EXOC3L4: variants seen among roughly 807,000 people sequenced by gnomAD.
The protein encoded by EXOC3L4 is exocyst complex component 3-like protein 4.
EXOC3L4 carries 62 observed loss-of-function variants against 69.7 expected under a neutral mutation model. The observed-to-expected ratio is 0.89, with a 90% CI of 0.72 to 1.10. The LOEUF (loss-of-function observed/expected upper bound fraction) is 1.10. EXOC3L4 is among the 50% of genes least tolerant of loss of function. EXOC3L4 has a pLI of 0.00. For synonymous variants in EXOC3L4, 502 were observed against 464.2 expected, an observed-to-expected ratio of 1.08 and a Z score of -1.05; for missense variants, 1,087 against 1,034.8, an observed-to-expected ratio of 1.05 and a Z score of -0.69.
rs1450424613 is a variant in EXOC3L4 at position 103,100,280 on chromosome 14, G to T, written c.61G>T (p.Glu21Ter). ...GCTGCAGAGTCCCAAGGAGGCTGAGGAGCCACAGACTCCAGCTCAGGGCTC... is the reference window on the plus strand; with the variant it reads ...GCTGCAGAGTCCCAAGGAGGCTGAGTAGCCACAGACTCCAGCTCAGGGCTC... ...PELQSPKEAE[E>*]PQTPAQGSRR... The change falls in exon 2 of 12, where the codon GAG (glutamate) becomes TAG (stop). Residue 21 changes from glutamate to a stop codon, truncating the protein, a stop_gained. Transcript: ENST00000688303. LOFTEE classifies it high-confidence loss of function. The T allele has an allele frequency of 6.3e-7, 1 of 1,578,842 alleles. No homozygotes were observed. Among genetic ancestry groups the T allele is most frequent in the South Asian group, 1.2e-5 (1 of 86,892 alleles).
At chr14:103,106,691 ATTG>A (rs552316803) in intron 7 of EXOC3L4, 91 bp from the exon 8 acceptor site, 50 of 725,258 alleles carry the variant, frequency 6.9e-5, no homozygotes, top group Non-Finnish European at 9.4e-5. Flanking sequence ...TGCCCTTCAC[ATTG>A]TAGTCTAAGT....
chr14:103,105,192 G>T, intron 7 of EXOC3L4, 120 bp downstream of exon 7: 1 of 973,642 alleles, frequency 1.0e-6, no homozygotes, highest in Non-Finnish European at 1.5e-6. Flanking sequence ...GAGTGTGTGT[G>T]TGTGTTTGTG....
intron 8 of EXOC3L4, 38 bp from the exon 9 acceptor site, chr14:103,107,386 A>G (rs766066245): frequency 6.3e-7 from 1 of 1,598,444 alleles, no homozygotes; most frequent in Admixed American, 1.7e-5. Context: ...TTGCGGGCGT[A>G]GTGCACATTT....
chr14:103,094,485 C>T (rs533819655), upstream of EXOC3L4, among the ~76,000 whole-genome samples: 3 of 152,318 alleles, frequency 2.0e-5, no homozygotes, highest in East Asian at 1.9e-4. Context: ...GCGTCCACCC[C>T]CTGCTGCCTC....
chr14:103,099,437 A>C (rs575209400), intron 1 of EXOC3L4, among the ~76,000 whole-genome samples: 1 of 152,158 alleles, frequency 6.6e-6, no homozygotes, highest in East Asian at 1.9e-4. Flanking sequence ...AGAGCATGCT[A>C]TGGTGGAGAG....
At chr14:103,098,048 G>A (rs990640259) in intron 1 of EXOC3L4, among the ~76,000 whole-genome samples, 1 of 152,050 alleles carries the variant, frequency 6.6e-6, no homozygotes, top group South Asian at 2.1e-4. Context: ...GGAAGCTGTT[G>A]GGAGCTGCAG....
chr14:103,110,299 G>T lies in EXOC3L4; in HGVS notation c.*76G>T. On this transcript the variant is annotated 3_prime_UTR_variant, in exon 12 of 12. Transcript: ENST00000688303. ...TGGGGGTCAGCCAGGAGCCCAGGGA[G>T]TCACTCTGGGCCCTGCCCCCAACTC... 6.8e-7 allele frequency: 1 copy of T among 1,460,228 alleles called. No homozygotes were observed. Among genetic ancestry groups the T allele is most frequent in the Non-Finnish European group, 9.2e-7 (1 of 1,087,098 alleles). The allele number at this position is 1,460,228 out of a possible 1,614,324, so 90.5% of individuals were successfully genotyped here.
At chr14:103,107,587 G>A (rs1229241437) in intron 9 of EXOC3L4, 44 bp downstream of exon 9, 1 of 1,610,552 alleles carries the variant, frequency 6.2e-7, no homozygotes, top group Non-Finnish European at 8.5e-7. Flanking sequence ...GCCCAGGATT[G>A]GGGCTGTTGA....
intron 3 of EXOC3L4, 143 bp from the exon 4 acceptor site, chr14:103,103,798 G>A: frequency 4.3e-6 from 1 of 234,796 alleles, no homozygotes; most frequent in African/African-American, 5.9e-5. Context: ...GCGCGCGCGC[G>A]TGTGTGTGTG....
At chr14:103,104,514 C>T in intron 5 of EXOC3L4, 125 bp downstream of exon 5, 1 of 1,372,834 alleles carries the variant, frequency 7.3e-7, no homozygotes. Flanking sequence ...AGCCTGAGGC[C>T]CCACGCGGGG....
Position 103,110,218 on chromosome 14 carries a change from G to A in EXOC3L4, c.2164G>A (p.Val722Ile), listed in dbSNP as rs374947002. 36 of 1,506,254 alleles carry A rather than the reference G, an allele frequency of 2.4e-5. No individual in the cohort carries two copies. Among genetic ancestry groups the A allele is most frequent in the African/African-American group, 1.7e-4 (12 of 71,964 alleles). 93.3% of individuals were successfully genotyped at this position (1,506,254 alleles called of 1,614,324 possible). A position where few individuals can be genotyped will look rare whatever the true frequency, so the allele number is the denominator to read the frequency against. ...PSAMAVLITC[V>I] Reference sequence around the variant, plus strand: ...TGCCATGGCTGTGCTGATCACCTGCGTCTAGTTCTCTCTGGCTCGAGGGGG... The same window carrying A: ...TGCCATGGCTGTGCTGATCACCTGCATCTAGTTCTCTCTGGCTCGAGGGGG... Residue 722 changes from valine (V) to isoleucine (I), a missense_variant, in exon 12 of 12, where the codon GTC (valine) becomes ATC (isoleucine). Coordinates refer to ENST00000688303, the MANE Select transcript of EXOC3L4 (RefSeq NM_001077594.2).
At chr14:103,098,157 C>T (rs931714231) in intron 1 of EXOC3L4, among the ~76,000 whole-genome samples, 1 of 152,068 alleles carries the variant, frequency 6.6e-6, no homozygotes, top group Non-Finnish European at 1.5e-5. Flanking sequence ...CTGAGTGACC[C>T]CCAAGCCTCT....
intron 5 of EXOC3L4, 112 bp downstream of exon 5, chr14:103,104,501 G>A: frequency 7.2e-7 from 1 of 1,387,094 alleles, no homozygotes; most frequent in South Asian, 1.6e-5. Context: ...TCCGTTAGAT[G>A]GGAGCCTGAG....
Position 103,097,587 on chromosome 14 carries a change from T to A in EXOC3L4, c.-16-2617T>A, listed in dbSNP as rs937935430. Among the ~76,000 whole-genome samples, 10 of 152,052 alleles carry A rather than the reference T, an allele frequency of 6.6e-5. No homozygotes were observed. The highest frequency in any genetic ancestry group is 1.5e-4 in the Non-Finnish European group (10 of 68,000). ...CCCTGATACCGATGTTCCGCCTGCT[T>A]CCAGGCTGTGCTCAGGGGTGACCGG... On this transcript the variant is annotated intron_variant, in intron 1 of 11. Coordinates refer to ENST00000688303, the MANE Select transcript of EXOC3L4 (RefSeq NM_001077594.2). This position sits in a 1 kb window ranked among gnomAD's most constrained non-coding sequence, Gnocchi z 4.9.
Position 103,102,141 on chromosome 14 carries a change from A to T in EXOC3L4, c.418A>T (p.Ile140Phe). ...AGAAGGCAAATCCGTGGCCGACCTC[A>T]TTACTGAACGGCAACTGCTGGCGGC... is the stretch of plus-strand genomic sequence containing the variant. ...EAEGKSVADL[I>F]TERQLLAAFE... Residue 140 changes from isoleucine to phenylalanine, a missense_variant, in exon 3 of 12, where the codon ATT (isoleucine) becomes TTT (phenylalanine). Ile to Phe is a conservative substitution (Grantham distance 21). Coordinates refer to ENST00000688303, the MANE Select transcript of EXOC3L4 (RefSeq NM_001077594.2). 1 of 1,606,018 alleles carries T rather than the reference A, an allele frequency of 6.2e-7. No homozygotes were observed. Among genetic ancestry groups the T allele is most frequent in the Non-Finnish European group, 8.5e-7 (1 of 1,176,868 alleles).
chr14:103,103,850 T>C (rs953252677), intron 3 of EXOC3L4, 91 bp from the exon 4 acceptor site: 5 of 712,488 alleles, frequency 7.0e-6, no homozygotes, highest in East Asian at 3.2e-5. Context: ...AGGTTCGGGA[T>C]TGGCGTTAGA....
Position 103,110,110 on chromosome 14 carries a change from G to A in EXOC3L4, c.2056G>A (p.Asp686Asn). 6.3e-7 allele frequency: 1 copy of A among 1,580,426 alleles called. No individual in the cohort carries two copies. The highest frequency in any genetic ancestry group is 8.6e-7 in the Non-Finnish European group (1 of 1,163,906). ...CCAGCATCTCTTGCAGCACACTCAA[G>A]ACCTGCTGAGAGCTGCGGCCGGGGC... ...RNQHLLQHTQ[D>N]LLRAAAGAAG... The change falls in exon 12 of 12, where the codon GAC becomes AAC. Residue 686 changes from aspartate to asparagine, a missense_variant. Transcript: ENST00000688303.
At chr14:103,109,129 C>T (rs972095522) in intron 11 of EXOC3L4, among the ~76,000 whole-genome samples, 31 of 149,766 alleles carry the variant, frequency 2.1e-4, no homozygotes, top group Middle Eastern at 3.4e-3. Context: ...CCCCGTCACC[C>T]GCAGCTGCAT....
rs558716499 is a variant in EXOC3L4 at position 103,109,994 on chromosome 14, G to A, written c.1977-37G>A. The A allele has an allele frequency of 3.2e-5, 50 of 1,547,326 alleles. 1 individual carries two copies. The East Asian group carries it at 1.0e-3, about 31-fold the overall frequency. On this transcript the variant is annotated intron_variant, in intron 11 of 11. Transcript: ENST00000688303. The stretch of plus-strand genomic sequence containing the variant: ...TGCTGGGGCTGGGGGTGTTGCGGAG[G>A]TGTAGGTCTGCAGTGAGTGCCCGCA...
Sources: allele counts gnomAD v4.1 joint callset (sites outside exome capture counted in the v4.1 genomes callset), GRCh38; gene constraint gnomAD v4.1.1; non-coding constraint Gnocchi (gnomAD v3.1); transcripts MANE v1.5; gene names NCBI Gene and HGNC (gene_info 2026-07-23, HGNC 2026-07-21).